NUP98: variants seen among roughly 807,000 people sequenced by gnomAD.
The protein encoded by NUP98 is nuclear pore complex protein Nup98-Nup96.
NUP98 carries 26 observed loss-of-function variants against 191.9 expected under a neutral mutation model. The ratio of observed to expected loss-of-function variants is 0.14; its 90% CI spans 0.10 to 0.19. NUP98 has a LOEUF of 0.19. Ranked by LOEUF, NUP98 falls within the 10% of genes least tolerant of loss-of-function variation. The pLI is 1.00. For missense variants in NUP98, 1,941 were observed against 2,178.8 expected, an observed-to-expected ratio of 0.89 and a Z score of 2.17; for synonymous variants, 808 against 778.4, an observed-to-expected ratio of 1.04 and a Z score of -0.63.
At chr11:3,698,004 A>G (rs2078565161) in intron 25 of NUP98, among the ~76,000 whole-genome samples, 1 of 152,208 alleles carries the variant, frequency 6.6e-6, no homozygotes, top group African/African-American at 2.4e-5. Flanking sequence ...ATGAATTGAT[A>G]TAGAACATAT....
intron 12 of NUP98, among the ~76,000 whole-genome samples, chr11:3,740,841 C>CA (rs1341930791): frequency 2.0e-5 from 3 of 149,316 alleles, no homozygotes; most frequent in Non-Finnish European, 4.4e-5. Flanking sequence ...TTTTTGGAGA[C>CA]AGAGTCTCGC....
intron 14 of NUP98, among the ~76,000 whole-genome samples, chr11:3,726,410 CTTTGAAGT>C (rs199964847): frequency 0.071 from 10,693 of 150,756 alleles, 466 homozygotes; most frequent in Non-Finnish European, 0.11. Flanking sequence ...TAAGTTAGTT[CTTTGAAGT>C]TACCAGTAAT....
intron 24 of NUP98, among the ~76,000 whole-genome samples, chr11:3,699,882 T>C (rs7122393): frequency 0.15 from 23,391 of 152,256 alleles, 1,863 homozygotes; most frequent in Middle Eastern, 0.22. Flanking sequence ...ATGATTTTTC[T>C]ACTGTTTGAA....
At chr11:3,741,626 A>C in intron 12 of NUP98, among the ~76,000 whole-genome samples, 1 of 152,228 alleles carries the variant, frequency 6.6e-6, no homozygotes, top group East Asian at 1.9e-4. Context: ...GTCTCAAAAA[A>C]AAAGGAAATC....
At chr11:3,757,151 A>T (rs2080993955) in intron 10 of NUP98, among the ~76,000 whole-genome samples, 2 of 149,156 alleles carry the variant, frequency 1.3e-5, no homozygotes, top group South Asian at 4.2e-4. Flanking sequence ...ATATATATAT[A>T]TTTTATCAAG....
rs1195529747 is a variant in NUP98, at chr11:3,676,163, A to G, written c.5399T>C (p.Leu1800Pro). Residue 1800 changes from leucine (L) to proline (P), a missense_variant, in exon 33 of 33, where the codon CTG becomes CCG. Physicochemically the swap from Leu to Pro is moderately conservative, Grantham distance 98 (BLOSUM62 -3). This residue lies in a region of NUP98 where 1,030 missense variants were observed against 1,115.8 expected (regional missense o/e 0.92). Transcript: ENST00000324932. Reference protein sequence around the residue: ...SYLRELAVGSL With the variant: ...SYLRELAVGSP ...GTGATGCAAAGTGCCTGGGGCTCAC[A>G]GGCTCCCAACAGCCAGTTCTCGCAG... is the stretch of plus-strand genomic sequence containing the variant. 3 of 1,613,732 alleles carry G rather than the reference A, an allele frequency of 1.9e-6. No individual in the cohort carries two copies. Among genetic ancestry groups the G allele is most frequent in the Non-Finnish European group, 2.5e-6 (3 of 1,179,896 alleles).
rs1360910997 is a variant in NUP98 at position 3,675,105 on chromosome 11, T to TA, written c.*1053_*1054insT. The TA allele has an allele frequency of 3.3e-5, 6 of 182,682 alleles. No homozygotes were observed. Among genetic ancestry groups the TA allele is most frequent in the Admixed American group, 6.3e-5 (1 of 15,968 alleles). 11.3% of individuals were successfully genotyped at this position (182,682 alleles called of 1,614,324 possible). The stretch of plus-strand genomic sequence containing the variant: ...GATCATTTATTTATACATATATATA[T>TA]TTTTTAATAAAAACCTTTACATTAT... On this transcript the variant is annotated 3_prime_UTR_variant, in exon 33 of 33. Transcript: ENST00000324932.
Position 3,676,129 on chromosome 11 carries a change from C to CA in NUP98, c.*29dup. The CA allele has an allele frequency of 6.3e-7, 1 of 1,598,564 alleles. No homozygotes were observed. Among genetic ancestry groups the CA allele is most frequent in the African/African-American group, 1.3e-5 (1 of 74,708 alleles). On this transcript the variant is annotated 3_prime_UTR_variant, in exon 33 of 33. Coordinates refer to ENST00000324932, the MANE Select transcript of NUP98 (RefSeq NM_016320.5). Reference sequence around the variant, plus strand: ...GGAACCTCTGTGTGGTGTGAATGGGCATGTGACTGTGATGCAAAGTGCCTG... The same window carrying CA: ...GGAACCTCTGTGTGGTGTGAATGGGCAATGTGACTGTGATGCAAAGTGCCTG...
chr11:3,723,818 A>C (rs1356359987), intron 15 of NUP98, among the ~76,000 whole-genome samples: 1 of 148,824 alleles, frequency 6.7e-6, no homozygotes, highest in African/African-American at 2.5e-5. Flanking sequence ...AGGTGTCTAT[A>C]CAAAGGGTTT....
chr11:3,698,106 G>C (rs1208470601), intron 25 of NUP98, among the ~76,000 whole-genome samples: 1 of 152,118 alleles, frequency 6.6e-6, no homozygotes, highest in South Asian at 2.1e-4. Flanking sequence ...ATACATAAAA[G>C]AATGCTAAGA....
intron 1 of NUP98, among the ~76,000 whole-genome samples, chr11:3,788,815 C>T (rs113387137): frequency 0.014 from 2,133 of 150,404 alleles, 46 homozygotes; most frequent in African/African-American, 0.05. Context: ...GTTGTCGTGA[C>T]GCATGCCTGT....
chr11:3,779,055 G>C lies in NUP98; in HGVS notation c.179-6C>G. 1 of 1,614,162 alleles carries C rather than the reference G, an allele frequency of 6.2e-7. No homozygotes were observed. Among genetic ancestry groups the C allele is most frequent in the Non-Finnish European group, 8.5e-7 (1 of 1,180,012 alleles). On this transcript the variant is annotated splice_polypyrimidine_tract_variant and splice_region_variant and intron_variant, in intron 3 of 32. Coordinates refer to ENST00000324932, the MANE Select transcript of NUP98 (RefSeq NM_016320.5). ...ACTGGTTCCAAACAATCCTCCTGAG[G>C]AGATGGAGAAGGAGGGAAAAAGTTA...
Position 3,699,269 on chromosome 11 carries a change from A to C in NUP98, c.3822T>G (p.Asn1274Lys). 1.9e-6 allele frequency: 3 copies of C among 1,614,218 alleles called. No homozygotes were observed. The highest frequency in any genetic ancestry group is 2.5e-6 in the Non-Finnish European group (3 of 1,180,038). ...GHLKELDSQL[N>K]EPREYIQILE... is the part of the protein sequence containing the mutation. ...GAATTTGAATGTATTCACGGGGTTC[A>C]TTTAGCTGGCTGTCAAGCTCCTTCA... The change falls in exon 25 of 33, where the codon AAT (asparagine) becomes AAG (lysine). Residue 1274 changes from asparagine (N) to lysine (K), a missense_variant. By Grantham distance (94) the Asn-to-Lys change is moderately conservative (BLOSUM62 0). Transcript: ENST00000324932.
intron 10 of NUP98, among the ~76,000 whole-genome samples, chr11:3,757,177 C>G (rs1015545044): frequency 4.0e-5 from 6 of 150,958 alleles, no homozygotes; most frequent in Non-Finnish European, 7.4e-5. Context: ...CCTATACAAA[C>G]ACCCTTATAG....
At chr11:3,735,145 T>C in intron 13 of NUP98, 46 bp downstream of exon 13, 1 of 1,499,186 alleles carries the variant, frequency 6.7e-7, no homozygotes, top group South Asian at 1.4e-5. Context: ...ACATTCAGTT[T>C]CTCTTTCTTT....
intron 30 of NUP98, among the ~76,000 whole-genome samples, chr11:3,680,525 C>A (rs924602967): frequency 6.6e-6 from 1 of 152,168 alleles, no homozygotes; most frequent in African/African-American, 2.4e-5. Flanking sequence ...TTTTGACCTC[C>A]TTCCATGAAT....
chr11:3,752,836 G>T (rs1390557327), intron 11 of NUP98, among the ~76,000 whole-genome samples: 1 of 152,176 alleles, frequency 6.6e-6, no homozygotes, highest in Non-Finnish European at 1.5e-5. Context: ...AAAAATAGTT[G>T]TTAACAGTAG....
intron 1 of NUP98, among the ~76,000 whole-genome samples, chr11:3,786,197 G>T (rs572141683): frequency 2.6e-5 from 4 of 152,210 alleles, no homozygotes; most frequent in Admixed American, 6.5e-5. Flanking sequence ...AGCTCCTAGA[G>T]AAAGAACATT....
At chr11:3,782,256 C>T (rs2081993808) in intron 1 of NUP98, 111 bp from the exon 2 acceptor site, 3 of 550,096 alleles carry the variant, frequency 5.5e-6, no homozygotes, top group South Asian at 5.2e-5. Context: ...ATAGTATATA[C>T]TCTCATTCAA....
Sources: gnomAD v4.1 joint callset for allele counts (sites outside exome capture counted in the v4.1 genomes callset) on GRCh38, gnomAD v4.1.1 for gene constraint, gnomAD v4.1.1 regional missense constraint, MANE v1.5 for transcripts, NCBI Gene and HGNC (gene_info 2026-07-23, HGNC 2026-07-21) for gene names.